CHRM2: variants seen among roughly 807,000 people sequenced by gnomAD.
CHRM2 encodes cholinergic receptor muscarinic 2.
A neutral mutation model predicts 25.0 loss-of-function variants in CHRM2; 8 were observed. The ratio of observed to expected loss-of-function variants is 0.32; its 90% CI spans 0.19 to 0.58. CHRM2 has a LOEUF of 0.58. Ranked by LOEUF, CHRM2 falls within the 20% of genes least tolerant of loss-of-function variation. CHRM2 has a pLI of 0.88. For missense variants in CHRM2, 440 were observed against 567.1 expected (o/e 0.78, Z 2.28); for synonymous variants, 202 against 205.7 (o/e 0.98, Z 0.15).
intron 2 of CHRM2, among the ~76,000 whole-genome samples, chr7:136,936,502 T>C (rs1250437557): frequency 1.3e-5 from 2 of 152,136 alleles, no homozygotes; most frequent in African/African-American, 4.8e-5. Flanking sequence ...TTAAAATGAA[T>C]GACATGATTG....
At chr7:137,006,591 T>G (rs1804442595) in intron 3 of CHRM2, among the ~76,000 whole-genome samples, 1 of 152,116 alleles carries the variant, frequency 6.6e-6, no homozygotes, top group Non-Finnish European at 1.5e-5. Flanking sequence ...CTATTTGTAC[T>G]GATGTGAGGA....
chr7:136,968,743 T>TATAC (rs918186629), intron 2 of CHRM2, among the ~76,000 whole-genome samples: 13 of 146,638 alleles, frequency 8.9e-5, no homozygotes, highest in Middle Eastern at 3.6e-3. Flanking sequence ...TATATATATA[T>TATAC]ACAGACAATA....
At chr7:136,974,138 T>A (rs1801963141) in intron 2 of CHRM2, among the ~76,000 whole-genome samples, 1 of 152,200 alleles carries the variant, frequency 6.6e-6, no homozygotes, top group Non-Finnish European at 1.5e-5. Flanking sequence ...CCTGAATTAA[T>A]TAATTTTATC....
chr7:136,918,986 T>G (rs998661981), intron 2 of CHRM2, among the ~76,000 whole-genome samples: 2 of 152,156 alleles, frequency 1.3e-5, no homozygotes, highest in African/African-American at 4.8e-5. Flanking sequence ...ATAAATACTT[T>G]GTCCAGGCAA....
At chr7:136,964,019 T>C (rs1263456872) in intron 2 of CHRM2, among the ~76,000 whole-genome samples, 1 of 152,172 alleles carries the variant, frequency 6.6e-6, no homozygotes, top group African/African-American at 2.4e-5. Context: ...TGAAATCAAC[T>C]GTATTTATTT....
intron 3 of CHRM2, among the ~76,000 whole-genome samples, chr7:137,009,878 T>C (rs1804691621): frequency 6.6e-6 from 1 of 151,940 alleles, no homozygotes; most frequent in South Asian, 2.1e-4. Flanking sequence ...GACAATTTAG[T>C]GTTACCTCTA....
At chr7:136,907,170 T>C (rs1797602657) in intron 2 of CHRM2, among the ~76,000 whole-genome samples, 1 of 151,954 alleles carries the variant, frequency 6.6e-6, no homozygotes, top group Non-Finnish European at 1.5e-5. Context: ...AAGCTTCGCT[T>C]GCTGTCACTC....
chr7:136,959,709 C>T (rs376986185), intron 2 of CHRM2, among the ~76,000 whole-genome samples: 30 of 152,226 alleles, frequency 2.0e-4, no homozygotes, highest in East Asian at 5.8e-4. Context: ...GTCGGGAGTT[C>T]GAGACCAGCC....
chr7:136,932,542 A>G (rs1799167420), intron 2 of CHRM2, among the ~76,000 whole-genome samples: 1 of 152,232 alleles, frequency 6.6e-6, no homozygotes, highest in Admixed American at 6.5e-5. Context: ...TCTTCTCAAC[A>G]ATTGTGCCAC....
intron 2 of CHRM2, among the ~76,000 whole-genome samples, chr7:136,939,600 G>A (rs1363771479): frequency 6.6e-6 from 1 of 152,106 alleles, no homozygotes; most frequent in Non-Finnish European, 1.5e-5. Context: ...GGGATGTCAA[G>A]TTAATAATTT....
chr7:136,984,480 C>T (rs1186260578), intron 2 of CHRM2, among the ~76,000 whole-genome samples: 4 of 151,508 alleles, frequency 2.6e-5, no homozygotes, highest in South Asian at 4.2e-4. Context: ...CAGGCACCAC[C>T]GGGGTAAGAA....
At chr7:137,002,257 T>A (rs775818868) in intron 3 of CHRM2, among the ~76,000 whole-genome samples, 1 of 152,294 alleles carries the variant, frequency 6.6e-6, no homozygotes, top group African/African-American at 2.4e-5. Context: ...TAGAGTGATA[T>A]GGTAAATGCA....
chr7:136,972,553 A>T (rs549687302), intron 2 of CHRM2, among the ~76,000 whole-genome samples: 94 of 152,270 alleles, frequency 6.2e-4, no homozygotes, highest in African/African-American at 2.2e-3. Flanking sequence ...TTTCTTATGA[A>T]AGAAAAAAAA....
intron 2 of CHRM2, among the ~76,000 whole-genome samples, chr7:136,947,304 C>T (rs1800128907): frequency 6.6e-6 from 1 of 151,874 alleles, no homozygotes; most frequent in Non-Finnish European, 1.5e-5. Flanking sequence ...AATATGTATG[C>T]TTTTTTTCCT....
At chr7:137,006,640 A>T (rs946602944) in intron 3 of CHRM2, among the ~76,000 whole-genome samples, 1 of 151,800 alleles carries the variant, frequency 6.6e-6, no homozygotes. Context: ...CTGTTCTATA[A>T]TTTTCTTTTA....
chr7:136,882,037 C>A (rs1445036908), intron 2 of CHRM2, among the ~76,000 whole-genome samples: 1 of 151,990 alleles, frequency 6.6e-6, no homozygotes, highest in Non-Finnish European at 1.5e-5. Context: ...ACAGAGTATT[C>A]TTGTTCCTAT....
intron 2 of CHRM2, among the ~76,000 whole-genome samples, chr7:136,967,681 TA>T (rs1326903683): frequency 2.6e-5 from 4 of 152,026 alleles, no homozygotes; most frequent in Non-Finnish European, 5.9e-5. Context: ...TCCTTCCTTA[TA>T]TTATTTCTGT....
chr7:136,896,659 C>T (rs887064066), intron 2 of CHRM2, among the ~76,000 whole-genome samples: 5 of 152,022 alleles, frequency 3.3e-5, no homozygotes, highest in African/African-American at 7.2e-5. Context: ...CTAAATAACA[C>T]CTTTAGGATC....
At chr7:136,949,339 G>A (rs1237361804) in intron 2 of CHRM2, among the ~76,000 whole-genome samples, 1 of 151,742 alleles carries the variant, frequency 6.6e-6, no homozygotes, top group Non-Finnish European at 1.5e-5. Flanking sequence ...AACTCCAGCT[G>A]GGCACTATGA....
Sources: gnomAD v4.1 joint callset for allele counts (sites outside exome capture counted in the v4.1 genomes callset) on GRCh38, gnomAD v4.1.1 for gene constraint, MANE v1.5 for transcripts, NCBI Gene and HGNC (gene_info 2026-07-23, HGNC 2026-07-21) for gene names.